EXOC6B: variants seen among roughly 807,000 people sequenced by gnomAD.
The protein encoded by EXOC6B is SEC15 homolog B.
In EXOC6B, 54 loss-of-function variants were observed where a neutral mutation model predicts 113.5. The ratio of observed to expected loss-of-function variants is 0.48; its 90% CI spans 0.38 to 0.60. EXOC6B has a LOEUF of 0.60. EXOC6B is among the 20% of genes least tolerant of loss of function. EXOC6B has a pLI of 0.00. For missense variants in EXOC6B, 797 were observed against 977.5 expected (o/e 0.82, Z 2.46); for synonymous variants, 357 against 339.0 (o/e 1.05, Z -0.58).
chr2:72,435,342 G>C (rs1428438745), intron 18 of EXOC6B, among the ~76,000 whole-genome samples: 1 of 152,140 alleles, frequency 6.6e-6, no homozygotes, highest in African/African-American at 2.4e-5. Context: ...GGTCAATTTT[G>C]AGTAAGTCCT....
At chr2:72,263,147 C>G (rs1683841993) in intron 20 of EXOC6B, 1 of 152,166 alleles carries the variant, frequency 6.6e-6, no homozygotes, top group African/African-American at 2.4e-5. Context: ...ATGAAATTAA[C>G]CGGCTCCCAG....
chr2:72,507,277 G>A (rs1700643777), intron 11 of EXOC6B, among the ~76,000 whole-genome samples: 1 of 151,996 alleles, frequency 6.6e-6, no homozygotes, highest in Non-Finnish European at 1.5e-5. Flanking sequence ...AATAAATAGT[G>A]TCATGAAATA....
At chr2:72,226,727 A>C (rs1681264281) in intron 20 of EXOC6B, among the ~76,000 whole-genome samples, 3 of 152,190 alleles carry the variant, frequency 2.0e-5, no homozygotes, top group Admixed American at 2.0e-4. Context: ...TTACCAAAGC[A>C]CTCTCATTCT....
At chr2:72,383,240 T>G (rs759407747) in intron 18 of EXOC6B, among the ~76,000 whole-genome samples, 1 of 152,138 alleles carries the variant, frequency 6.6e-6, no homozygotes, top group African/African-American at 2.4e-5. Flanking sequence ...TTACAGACTA[T>G]GCATCTGGCA....
chr2:72,549,634 A>G (rs529350161), intron 8 of EXOC6B, among the ~76,000 whole-genome samples: 16 of 152,304 alleles, frequency 1.1e-4, no homozygotes, highest in African/African-American at 3.8e-4. Context: ...TGAATATCCG[A>G]AAGGTTCTGT....
chr2:72,626,034 C>T lies in EXOC6B; in HGVS notation c.670-50366G>A, dbSNP rs1186491335. 3.9e-5 allele frequency among the ~76,000 whole-genome samples: 6 copies of T among 152,098 alleles called. 1 individual carries two copies. Among genetic ancestry groups the T allele is most frequent in the South Asian group, 4.1e-4 (2 of 4,830 alleles). On this transcript the variant is annotated intron_variant, in intron 6 of 21. Transcript: ENST00000272427. ...TTTAACAGCAGCCCTTCCTTTTCCACATCAGGACTATATACATAAGTCAAG... is the reference window on the plus strand; with the variant it reads ...TTTAACAGCAGCCCTTCCTTTTCCATATCAGGACTATATACATAAGTCAAG...
intron 6 of EXOC6B, among the ~76,000 whole-genome samples, chr2:72,708,923 T>TA (rs1679071777): frequency 6.8e-6 from 1 of 146,930 alleles, no homozygotes; most frequent in Non-Finnish European, 1.5e-5. Flanking sequence ...TTTTTTTTTT[T>TA]TGTAGAGACA....
chr2:72,366,276 A>G, intron 19 of EXOC6B, among the ~76,000 whole-genome samples: 1 of 149,614 alleles, frequency 6.7e-6, no homozygotes, highest in Non-Finnish European at 1.5e-5. Flanking sequence ...AGTTCATATA[A>G]AAGTAAAAAA....
chr2:72,632,931 C>T (rs375564717), intron 6 of EXOC6B, among the ~76,000 whole-genome samples: 2 of 152,168 alleles, frequency 1.3e-5, no homozygotes, highest in East Asian at 1.9e-4. Flanking sequence ...CCACCTCAGC[C>T]TCTCTAATTG....
At chr2:72,408,476 C>G (rs1014861434) in intron 18 of EXOC6B, among the ~76,000 whole-genome samples, 106 of 152,142 alleles carry the variant, frequency 7.0e-4, no homozygotes, top group African/African-American at 2.5e-3. Flanking sequence ...TACTACAAGG[C>G]TACAGTAACC....
At chr2:72,799,465 G>C (rs1044763827) in intron 1 of EXOC6B, among the ~76,000 whole-genome samples, 1 of 150,884 alleles carries the variant, frequency 6.6e-6, no homozygotes, top group Non-Finnish European at 1.5e-5. Flanking sequence ...AGCTACTCAG[G>C]AGGCTGAAGT....
At chr2:72,480,384 T>C (rs931877106) in intron 17 of EXOC6B, among the ~76,000 whole-genome samples, 6 of 152,184 alleles carry the variant, frequency 3.9e-5, no homozygotes, top group Non-Finnish European at 8.8e-5. Flanking sequence ...AGGAAGGGTT[T>C]AGAGACACAG....
intron 6 of EXOC6B, among the ~76,000 whole-genome samples, chr2:72,664,273 G>C (rs373838498): frequency 6.6e-6 from 1 of 152,086 alleles, no homozygotes; most frequent in Non-Finnish European, 1.5e-5. Context: ...CAGATCTTCA[G>C]AGAGAAAACA....
intron 18 of EXOC6B, among the ~76,000 whole-genome samples, chr2:72,446,375 G>C (rs1363952330): frequency 6.8e-6 from 1 of 147,282 alleles, no homozygotes; most frequent in Non-Finnish European, 1.5e-5. Context: ...GCAATACTCT[G>C]TCTCAAAAAA....
chr2:72,663,668 A>T (rs1416944894), intron 6 of EXOC6B, among the ~76,000 whole-genome samples: 1 of 152,170 alleles, frequency 6.6e-6, no homozygotes, highest in Admixed American at 6.5e-5. Flanking sequence ...GGAGATAGTA[A>T]AAAGATTAGT....
At chr2:72,503,803 T>C (rs1021266875) in intron 11 of EXOC6B, among the ~76,000 whole-genome samples, 3 of 152,238 alleles carry the variant, frequency 2.0e-5, no homozygotes, top group Non-Finnish European at 4.4e-5. Context: ...CATTTTCCAT[T>C]CCCACTAGCA....
chr2:72,734,129 A>AT (rs1199532420), intron 2 of EXOC6B, among the ~76,000 whole-genome samples: 1 of 152,214 alleles, frequency 6.6e-6, no homozygotes, highest in African/African-American at 2.4e-5. Flanking sequence ...TTAACTGAAG[A>AT]TCTTCTCAAG....
rs181858280 is a variant in EXOC6B at position 72,408,955 on chromosome 2, G to A, written c.1981-29085C>T. ...ACCTACAAAATGGGAGAAAATTTTCGCAACCTACTCATCTGGCAAAGGGCT... is the reference window on the plus strand; with the variant it reads ...ACCTACAAAATGGGAGAAAATTTTCACAACCTACTCATCTGGCAAAGGGCT... On this transcript the variant is annotated intron_variant, in intron 18 of 21. Transcript: ENST00000272427. Among the ~76,000 whole-genome samples, 883 of 152,132 alleles carry A rather than the reference G, an allele frequency of 5.8e-3. 10 individuals carry two copies. The highest frequency in any genetic ancestry group is 0.019 in the African/African-American group (805 of 41,516).
intron 8 of EXOC6B, among the ~76,000 whole-genome samples, chr2:72,546,081 A>C (rs1403330457): frequency 6.6e-6 from 1 of 152,162 alleles, no homozygotes; most frequent in Non-Finnish European, 1.5e-5. Context: ...GAGTGGGAGA[A>C]CCATGTTCTA....
Sources: gnomAD v4.1 joint callset for allele counts (sites outside exome capture counted in the v4.1 genomes callset) on GRCh38, gnomAD v4.1.1 for gene constraint, MANE v1.5 for transcripts, NCBI Gene and HGNC (gene_info 2026-07-23, HGNC 2026-07-21) for gene names.